TUT7: variants seen among roughly 807,000 people sequenced by gnomAD.
TUT7 encodes the protein terminal uridylyl transferase 7.
In TUT7, 33 loss-of-function variants were observed where a neutral mutation model predicts 165.9. The ratio of observed to expected loss-of-function variants is 0.20; its 90% confidence interval spans 0.15 to 0.27. TUT7 has a LOEUF of 0.27. Ranked by LOEUF, TUT7 falls within the 10% of genes least tolerant of loss-of-function variation. TUT7 has a pLI of 1.00. For missense variants in TUT7, 1,338 were observed against 1,762.3 expected (o/e 0.76, Z 4.31); for synonymous variants, 552 against 608.1 (o/e 0.91, Z 1.36).
At chr9:86,293,793 C>T (rs1268155854) in intron 26 of TUT7, among the ~76,000 whole-genome samples, 3 of 152,172 alleles carry the variant, frequency 2.0e-5, no homozygotes, top group Non-Finnish European at 4.4e-5. Context: ...GCCTACCTGA[C>T]AGGGCATGTG....
At chr9:86,341,833 C>T (rs187299183) in intron 6 of TUT7, among the ~76,000 whole-genome samples, 64 of 152,186 alleles carry the variant, frequency 4.2e-4, no homozygotes, top group Admixed American at 3.8e-3. Context: ...TCTGCCCAGA[C>T]CTTGTCATTT....
At position 86,323,493 on chromosome 9, in the gene TUT7, C is replaced by A; in HGVS notation, c.2257G>T (p.Glu753Ter). Reference protein sequence around the residue: ...HPETGRKNEKEKVGRKGKHLL... With the variant: ...HPETGRKNEK ...TGCTTGCCCTTCCTTCCAACTTTCT[C>A]TTTCTCGTTTTTCCTTCCTGTTTCT... The change falls in exon 13 of 27, where the codon GAG becomes TAG. Residue 753 changes from glutamate (E) to a stop codon, truncating the protein, a stop_gained. Transcript: ENST00000375963. LOFTEE classifies it high-confidence loss of function. The A allele has an allele frequency of 6.2e-7, 1 of 1,614,244 alleles. No individual in the cohort carries two copies. Among genetic ancestry groups the A allele is most frequent in the Non-Finnish European group, 8.5e-7 (1 of 1,180,046 alleles).
At chr9:86,298,905 T>C in intron 26 of TUT7, 12 of 737,052 alleles carry the variant, frequency 1.6e-5, no homozygotes, top group Non-Finnish European at 1.8e-5. Context: ...CGAAACCATA[T>C]CCAAGGAGAG....
chr9:86,303,042 T>C lies in TUT7; in HGVS notation c.4094+44A>G, dbSNP rs193212673. On this transcript the variant is annotated intron_variant, in intron 25 of 26. Transcript: ENST00000375963. Reference sequence around the variant, plus strand: ...GTACCTCATTTAAAAATTGGGACATTAAGAAAATAAAAACACAACCAACCC... The same window carrying C: ...GTACCTCATTTAAAAATTGGGACATCAAGAAAATAAAAACACAACCAACCC... 1.7e-5 allele frequency: 16 copies of C among 938,754 alleles called. No homozygotes were observed. The African/African-American group carries it at 2.3e-4, about 14-fold the overall frequency. The allele number at this position is 938,754 out of a possible 1,614,324, so 58.2% of individuals were successfully genotyped here.
intron 26 of TUT7, among the ~76,000 whole-genome samples, chr9:86,289,231 C>T (rs538166533): frequency 1.3e-5 from 2 of 152,166 alleles, no homozygotes; most frequent in African/African-American, 4.8e-5. Context: ...AGGTGGAGGA[C>T]ACAAATGAGG....
chr9:86,323,065 CTCT>C lies in TUT7; in HGVS notation c.2682_2684del (p.Glu895del), dbSNP rs1829462785. ...TAGCAGCTTCGCCTAACTCATCATC[CTCT>C]TCAGATAGGGCGTCCTCATCCCCTG... On this transcript the variant is annotated inframe_deletion, in exon 13 of 27. Transcript: ENST00000375963. 2.5e-6 allele frequency: 4 copies of C among 1,614,172 alleles called. No homozygotes were observed. The South Asian group carries it at 3.3e-5, about 13-fold the overall frequency.
At chr9:86,346,203 G>A in intron 3 of TUT7, 96 bp downstream of exon 3, 1 of 1,163,640 alleles carries the variant, frequency 8.6e-7, no homozygotes, top group Non-Finnish European at 1.2e-6. Context: ...ACCAAAGTAG[G>A]ATATCTAATT....
intron 14 of TUT7, among the ~76,000 whole-genome samples, chr9:86,322,075 C>T (rs1829352701): frequency 6.6e-6 from 1 of 151,786 alleles, no homozygotes; most frequent in African/African-American, 2.4e-5. Flanking sequence ...GATCCTGTCT[C>T]AAAATTTAAA....
chr9:86,343,021 A>G lies in TUT7; in HGVS notation c.1086+54T>C. The G allele has an allele frequency of 2.6e-6, 3 of 1,166,982 alleles. No homozygotes were observed. The South Asian group carries it at 3.9e-5, about 15-fold the overall frequency. The allele number at this position is 1,166,982 out of a possible 1,614,324, so 72.3% of individuals were successfully genotyped here. Reference sequence around the variant, plus strand: ...ATATTCATAGACAGTTTACATTTGTAAGAAAGAATTTCCATACCACTCTGA... The same window carrying G: ...ATATTCATAGACAGTTTACATTTGTGAGAAAGAATTTCCATACCACTCTGA... On this transcript the variant is annotated intron_variant, in intron 6 of 26. Transcript: ENST00000375963.
chr9:86,310,778 T>C lies in TUT7; in HGVS notation c.3306A>G (p.Ala1102=). 1 of 1,612,930 alleles carries C rather than the reference T, an allele frequency of 6.2e-7. No individual in the cohort carries two copies. Among genetic ancestry groups the C allele is most frequent in the South Asian group, 1.1e-5 (1 of 91,054 alleles). Reference sequence around the variant, plus strand: ...GGAAGAACTTCACAATTGGCACCTTTGCTGTTGTAATAGGTAAGATGTTTC... The same window carrying C: ...GGAAGAACTTCACAATTGGCACCTTCGCTGTTGTAATAGGTAAGATGTTTC... ...GLRNILPITT[A]KVPIVKFFHL... The change falls in exon 18 of 27, where the codon GCA becomes GCG. Residue 1102 remains alanine, a synonymous_variant. Coordinates refer to ENST00000375963, the MANE Select transcript of TUT7 (RefSeq NM_024617.4).
intron 13 of TUT7, 61 bp downstream of exon 13, chr9:86,322,812 T>C (rs1189108258): frequency 6.7e-7 from 1 of 1,499,750 alleles, no homozygotes; most frequent in South Asian, 1.4e-5. Flanking sequence ...AAAATTGAAA[T>C]TAAATGCATT....
Position 86,308,504 on chromosome 9 carries a change from C to T in TUT7, c.3763G>A (p.Val1255Ile), listed in dbSNP as rs1827735688. ...YTEEFDFKEH[V>I]ISIRRKSLLT... ...AGACTTTTTCTCCTGATGCTAATAA[C>T]ATGTTCTTTAAAATCAAATTCCTCT... Residue 1255 changes from valine to isoleucine, a missense_variant, in exon 22 of 27, where the codon GTT becomes ATT. By Grantham distance (29) the Val-to-Ile change is conservative. This residue lies in a region of TUT7 where 157 missense variants were observed against 357.5 expected (regional missense o/e 0.44). Transcript: ENST00000375963. 2.5e-6 allele frequency: 4 copies of T among 1,613,906 alleles called. No individual in the cohort carries two copies. Among genetic ancestry groups the T allele is most frequent in the South Asian group, 1.1e-5 (1 of 91,070 alleles).
Position 86,352,709 on chromosome 9 carries a change from G to C in TUT7, c.491C>G (p.Thr164Ser). 1 of 1,614,214 alleles carries C rather than the reference G, an allele frequency of 6.2e-7. No homozygotes were observed. Among genetic ancestry groups the C allele is most frequent in the Non-Finnish European group, 8.5e-7 (1 of 1,180,042 alleles). Reference sequence around the variant, plus strand: ...ACTTCCTGCTTCCATTTCTGACGTGGTTTCTAGGCTTGTTAGGTCTTTATG... The same window carrying C: ...ACTTCCTGCTTCCATTTCTGACGTGCTTTCTAGGCTTGTTAGGTCTTTATG... ...LFHKDLTSLE[T>S]TSEMEAGSPE... Residue 164 changes from threonine (T) to serine (S), a missense_variant, in exon 2 of 27, where the codon ACC becomes AGC. Thr to Ser is a moderately conservative substitution (Grantham distance 58). Coordinates refer to ENST00000375963, the MANE Select transcript of TUT7 (RefSeq NM_024617.4).
intron 26 of TUT7, among the ~76,000 whole-genome samples, chr9:86,297,921 C>CTTTTTTTTT (rs59651352): frequency 0.015 from 1,295 of 86,436 alleles, 208 homozygotes; most frequent in African/African-American, 0.058. Context: ...GCCTGCTCCA[C>CTTTTTTTTT]TTTTTTTTTT....
chr9:86,288,802 A>G, intron 26 of TUT7, 58 bp from the exon 27 acceptor site: 1 of 1,378,268 alleles, frequency 7.3e-7, no homozygotes, highest in South Asian at 1.2e-5. Context: ...GCTTTATGAC[A>G]AAAGCCATAA....
chr9:86,341,254 C>A (rs1479838605), intron 6 of TUT7, among the ~76,000 whole-genome samples: 1 of 152,182 alleles, frequency 6.6e-6, no homozygotes, highest in Non-Finnish European at 1.5e-5. Flanking sequence ...CAAATGTGGG[C>A]AAGAGACCTA....
chr9:86,317,764 A>G (rs1376264500), intron 16 of TUT7, among the ~76,000 whole-genome samples: 1 of 152,224 alleles, frequency 6.6e-6, no homozygotes, highest in Non-Finnish European at 1.5e-5. Context: ...TATAATGCAT[A>G]TAACTAAAGT....
At chr9:86,294,422 T>C (rs1223446660) in intron 26 of TUT7, among the ~76,000 whole-genome samples, 1 of 152,180 alleles carries the variant, frequency 6.6e-6, no homozygotes, top group Non-Finnish European at 1.5e-5. Context: ...CAAATAATTT[T>C]TGATGATACA....
intron 1 of TUT7, among the ~76,000 whole-genome samples, chr9:86,353,710 A>G (rs1458356034): frequency 6.6e-6 from 1 of 151,954 alleles, no homozygotes; most frequent in Non-Finnish European, 1.5e-5. Flanking sequence ...CTCAACTCCA[A>G]TTTTCCGTCC....
Sources: allele counts gnomAD v4.1 joint callset (sites outside exome capture counted in the v4.1 genomes callset), GRCh38; gene constraint gnomAD v4.1.1; regional missense constraint gnomAD v4.1.1; transcripts MANE v1.5; gene names NCBI Gene and HGNC (gene_info 2026-07-23, HGNC 2026-07-21).